PRIM2: variants seen among roughly 807,000 people sequenced by gnomAD.
PRIM2 encodes DNA primase large subunit.
PRIM2 carries 39 observed loss-of-function variants against 67.3 expected under a neutral mutation model. The observed-to-expected ratio is 0.58, with a 90% CI of 0.45 to 0.76. PRIM2 has a LOEUF of 0.76. Among genes scored for constraint, PRIM2 ranks in the 30% least tolerant of loss-of-function variants. The probability of loss-of-function intolerance (pLI) is 0.00; values close to 1 mark genes in which losing one functional copy is unlikely to be tolerated. For missense variants in PRIM2, 398 were observed against 598.7 expected (o/e 0.66, Z 3.50); for synonymous variants, 143 against 198.7 (o/e 0.72, Z 2.36).
At chr6:57,642,832 G>T (rs1179296057) in intron 13 of PRIM2, among the ~76,000 whole-genome samples, 1 of 152,106 alleles carries the variant, frequency 6.6e-6, no homozygotes, top group Non-Finnish European at 1.5e-5. Flanking sequence ...TTTGGAATTT[G>T]ATTTTATCTT....
intron 7 of PRIM2, among the ~76,000 whole-genome samples, chr6:57,435,468 C>T (rs1159426235): frequency 6.6e-6 from 1 of 152,168 alleles, no homozygotes; most frequent in Non-Finnish European, 1.5e-5. Context: ...AGTGATCAGG[C>T]AACAGCCTGA....
At chr6:57,554,643 C>T (rs1775474376) in intron 10 of PRIM2, among the ~76,000 whole-genome samples, 1 of 152,178 alleles carries the variant, frequency 6.6e-6, no homozygotes, top group Non-Finnish European at 1.5e-5. Flanking sequence ...ATGTTCTCCC[C>T]ACCCATCTCT....
At chr6:57,364,022 T>C (rs1377235021) in intron 5 of PRIM2, among the ~76,000 whole-genome samples, 1 of 152,128 alleles carries the variant, frequency 6.6e-6, no homozygotes, top group African/African-American at 2.4e-5. Context: ...TATTCTGTTT[T>C]GTCTGTTCTA....
Position 57,646,335 on chromosome 6 carries a change from G to A in PRIM2, c.*177G>A, listed in dbSNP as rs1777334334. ...TCCTCCTACCTCAGCCTCCCAAGTA[G>A]TTAGGACCACAGGTGTGCACCTCAT... On this transcript the variant is annotated 3_prime_UTR_variant, in exon 14 of 14. Transcript: ENST00000615550. 4.9e-6 allele frequency: 3 copies of A among 608,312 alleles called. No homozygotes were observed. Among genetic ancestry groups the A allele is most frequent in the Admixed American group, 3.0e-5 (1 of 33,884 alleles). The allele number at this position is 608,312 out of a possible 1,614,324, so 37.7% of individuals were successfully genotyped here.
chr6:57,287,864 A>C, the PRIM2 span, among the ~76,000 whole-genome samples: 1 of 152,096 alleles, frequency 6.6e-6, no homozygotes, highest in Non-Finnish European at 1.5e-5. Flanking sequence ...ATTGACACAG[A>C]AGACGGGTGA....
chr6:57,624,758 CATGGAGCTGA>C (rs1776917405), intron 12 of PRIM2, among the ~76,000 whole-genome samples: 1 of 152,170 alleles, frequency 6.6e-6, no homozygotes, highest in African/African-American at 2.4e-5. Context: ...CTTCTACCTT[CATGGAGCTGA>C]TATTCCAGTG....
intron 3 of PRIM2, among the ~76,000 whole-genome samples, chr6:57,323,926 A>G (rs374442878): frequency 4.7e-4 from 71 of 152,216 alleles, no homozygotes; most frequent in African/African-American, 1.7e-3. Flanking sequence ...ATCATACAGA[A>G]GATAAAAAAT....
At chr6:57,456,242 G>C (rs1772774728) in intron 7 of PRIM2, among the ~76,000 whole-genome samples, 1 of 152,110 alleles carries the variant, frequency 6.6e-6, no homozygotes, top group Middle Eastern at 3.2e-3. Context: ...TTCAACTTTG[G>C]TGAATCTGAC....
At chr6:57,605,531 A>G in intron 11 of PRIM2, among the ~76,000 whole-genome samples, 1 of 152,162 alleles carries the variant, frequency 6.6e-6, no homozygotes, top group African/African-American at 2.4e-5. Context: ...GAACTTAGTC[A>G]TTTCCTCTAG....
chr6:57,338,351 C>A (rs1768342387), intron 5 of PRIM2, among the ~76,000 whole-genome samples: 1 of 152,142 alleles, frequency 6.6e-6, no homozygotes, highest in African/African-American at 2.4e-5. Flanking sequence ...CTCCCTAACT[C>A]ATTTTATGAG....
At chr6:57,487,215 C>T (rs1390845469) in intron 7 of PRIM2, among the ~76,000 whole-genome samples, 1 of 152,158 alleles carries the variant, frequency 6.6e-6, no homozygotes, top group Non-Finnish European at 1.5e-5. Context: ...TTACCATCTT[C>T]TATGACATAT....
chr6:57,276,896 A>G, the PRIM2 span, among the ~76,000 whole-genome samples: 1 of 152,156 alleles, frequency 6.6e-6, no homozygotes, highest in Admixed American at 6.6e-5. Flanking sequence ...CTCAAAAAAA[A>G]AAAGATATAA....
chr6:57,346,006 G>T (rs1768663827), intron 5 of PRIM2, among the ~76,000 whole-genome samples: 1 of 152,224 alleles, frequency 6.6e-6, no homozygotes, highest in African/African-American at 2.4e-5. Context: ...ATAGTGAGCA[G>T]TAAGGATGAC....
At chr6:57,462,687 G>A (rs1372610183) in intron 7 of PRIM2, among the ~76,000 whole-genome samples, 4 of 152,200 alleles carry the variant, frequency 2.6e-5, no homozygotes, top group African/African-American at 9.6e-5. Flanking sequence ...CTTACCTGGA[G>A]CTGCTGTCTC....
chr6:57,547,636 A>G (rs1413871588), intron 10 of PRIM2, among the ~76,000 whole-genome samples: 6 of 152,206 alleles, frequency 3.9e-5, no homozygotes, highest in Admixed American at 3.9e-4. Context: ...GATTGCTCAT[A>G]GTGTTGTTAT....
chr6:57,237,099 T>C, the PRIM2 span, among the ~76,000 whole-genome samples: 1 of 151,688 alleles, frequency 6.6e-6, no homozygotes, highest in Non-Finnish European at 1.5e-5. Flanking sequence ...TTTTTAATGA[T>C]CGCCATTCTA....
chr6:57,567,652 G>GTA, intron 10 of PRIM2, among the ~76,000 whole-genome samples: 1 of 152,126 alleles, frequency 6.6e-6, no homozygotes, highest in South Asian at 2.1e-4. Flanking sequence ...ACGTGATTGT[G>GTA]TAGTATGTGA....
At chr6:57,250,925 T>G in the PRIM2 span, among the ~76,000 whole-genome samples, 1 of 152,164 alleles carries the variant, frequency 6.6e-6, no homozygotes, top group African/African-American at 2.4e-5. Flanking sequence ...AAATTTTGGG[T>G]TTTTAGATTT....
chr6:57,594,226 G>C (rs1776328200), intron 10 of PRIM2, among the ~76,000 whole-genome samples: 1 of 152,074 alleles, frequency 6.6e-6, no homozygotes, highest in Admixed American at 6.5e-5. Flanking sequence ...CTGGTTATTG[G>C]TTACTTGTGG....
Sources: gnomAD v4.1 joint callset for allele counts (sites outside exome capture counted in the v4.1 genomes callset) on GRCh38, gnomAD v4.1.1 for gene constraint, MANE v1.5 for transcripts, NCBI Gene and HGNC (gene_info 2026-07-23, HGNC 2026-07-21) for gene names.